ANKRD11: variants seen among roughly 807,000 people sequenced by gnomAD.
ANKRD11 encodes ankyrin repeat domain-containing protein 11.
Under a neutral mutation model 195.7 loss-of-function variants are expected in ANKRD11, and 17 were observed. That is an observed-to-expected ratio of 0.09 (90% confidence interval 0.06 to 0.13). The LOEUF (loss-of-function observed/expected upper bound fraction) is 0.13, where lower values mean the gene tolerates loss of function less well. Among genes scored for constraint, ANKRD11 ranks in the 10% least tolerant of loss-of-function variants. The probability of loss-of-function intolerance (pLI) is 1.00; values close to 1 mark genes in which losing one functional copy is unlikely to be tolerated. For missense variants in ANKRD11, 3,735 were observed against 3,566.1 expected, an observed-to-expected ratio of 1.05 and a Z score of -1.21; for synonymous variants, 1,953 against 1,528.1, an observed-to-expected ratio of 1.28 and a Z score of -6.49.
chr16:89,337,984 C>T (rs1368442727), intron 2 of ANKRD11, among the ~76,000 whole-genome samples: 2 of 152,210 alleles, frequency 1.3e-5, no homozygotes, highest in Admixed American at 6.5e-5. Flanking sequence ...CCACGGGTGA[C>T]AAGCAACACA....
At chr16:89,301,312 T>A (rs2035840566) in intron 4 of ANKRD11, 1 of 381,832 alleles carries the variant, frequency 2.6e-6, no homozygotes, top group Admixed American at 4.5e-5. Context: ...TATAAAAAAG[T>A]AGACAAAGTA....
At chr16:89,352,187 G>A (rs1458429185) in intron 2 of ANKRD11, among the ~76,000 whole-genome samples, 3 of 152,120 alleles carry the variant, frequency 2.0e-5, no homozygotes, top group Non-Finnish European at 4.4e-5. Flanking sequence ...ATTGCACCTG[G>A]CCGATTATCT....
In ANKRD11 at chr16:89,328,852, C is replaced by T. The variant is rs1392322493; in HGVS notation, c.-59-11774G>A. On this transcript the variant is annotated intron_variant, in intron 2 of 12. Transcript: ENST00000301030. ...GAGTGGACATACCCAGGAGCACGGG[C>T]GAAATCAGTGGAGGCCCCTGCTGAG... 2.4e-5 allele frequency: 3 copies of T among 122,984 alleles called. 1 individual carries two copies. Among genetic ancestry groups the T allele is most frequent in the Non-Finnish European group, 5.0e-5 (3 of 60,196 alleles). 7.6% of individuals were successfully genotyped at this position (122,984 alleles called of 1,614,324 possible). A position where few individuals can be genotyped will look rare whatever the true frequency, so the allele number is the denominator to read the frequency against.
intron 1 of ANKRD11, among the ~76,000 whole-genome samples, chr16:89,444,686 T>C (rs1219873784): frequency 1.3e-5 from 2 of 152,104 alleles, no homozygotes; most frequent in African/African-American, 4.8e-5. Context: ...TGGCTCACGC[T>C]TGTAATCCCA....
chr16:89,462,201 T>G (rs1188594531), intron 1 of ANKRD11, among the ~76,000 whole-genome samples: 4 of 152,194 alleles, frequency 2.6e-5, no homozygotes, highest in African/African-American at 9.6e-5. Flanking sequence ...TGACTCAGCC[T>G]GCCGAGTGCC....
At chr16:89,382,190 G>T (rs1283532052) in intron 2 of ANKRD11, among the ~76,000 whole-genome samples, 1 of 152,042 alleles carries the variant, frequency 6.6e-6, no homozygotes, top group East Asian at 1.9e-4. Context: ...TGGAGCCCTT[G>T]AACCCATCAA....
chr16:89,278,954 G>A (rs963530841), intron 9 of ANKRD11, 118 bp downstream of exon 9: 7 of 1,476,624 alleles, frequency 4.7e-6, no homozygotes, highest in African/African-American at 2.8e-5. Flanking sequence ...GGTGGCAGAA[G>A]GTCGAGAGAG....
chr16:89,367,532 A>G (rs953030527), intron 2 of ANKRD11, among the ~76,000 whole-genome samples: 3 of 152,184 alleles, frequency 2.0e-5, no homozygotes, highest in African/African-American at 4.8e-5. Context: ...AGGCCACGGC[A>G]CACACCAGTC....
intron 1 of ANKRD11, chr16:89,489,225 A>ACACGCGCG (rs1331575394): frequency 6.7e-6 from 1 of 148,838 alleles, no homozygotes; most frequent in Non-Finnish European, 1.5e-5. Context: ...ACACACACAC[A>ACACGCGCG]CGCGCGCGCG....
chr16:89,298,807 C>T (rs901045994), intron 4 of ANKRD11: 1 of 152,238 alleles, frequency 6.6e-6, no homozygotes, highest in Admixed American at 6.5e-5. Context: ...TGAGAAACTG[C>T]TTACGTCTAG....
chr16:89,344,303 G>T (rs935894228), intron 2 of ANKRD11, among the ~76,000 whole-genome samples: 6 of 152,180 alleles, frequency 3.9e-5, no homozygotes, highest in Admixed American at 1.3e-4. Flanking sequence ...CTAACAGATG[G>T]TATTATTTCC....
chr16:89,454,971 C>T (rs1307128822), intron 1 of ANKRD11, among the ~76,000 whole-genome samples: 4 of 99,874 alleles, frequency 4.0e-5, no homozygotes, highest in Admixed American at 9.8e-5. Flanking sequence ...TCAAGCTGCT[C>T]CCCTGGGTGC....
Position 89,293,403 on chromosome 16 carries a change from G to A in ANKRD11, c.227-2220C>T, listed in dbSNP as rs377653561. On this transcript the variant is annotated intron_variant, in intron 4 of 12. Coordinates refer to ENST00000301030, the MANE Select transcript of ANKRD11 (RefSeq NM_013275.6). ...GGACACAGGGAGGAGCTGGGGCAGA[G>A]TTGGGGTTGCGGAGGGAGGAGCTGG... Among the ~76,000 whole-genome samples, 13 of 151,946 alleles carry A rather than the reference G, an allele frequency of 8.6e-5. No individual in the cohort carries two copies. The East Asian group carries it at 2.1e-3, about 25-fold the overall frequency.
chr16:89,316,700 C>CA, intron 3 of ANKRD11, among the ~76,000 whole-genome samples: 1 of 152,326 alleles, frequency 6.6e-6, no homozygotes, highest in East Asian at 1.9e-4. Context: ...AACTTCTGTA[C>CA]ATAAAGCTAT....
At chr16:89,302,452 C>G (rs2035917028) in intron 4 of ANKRD11, among the ~76,000 whole-genome samples, 1 of 152,176 alleles carries the variant, frequency 6.6e-6, no homozygotes, top group African/African-American at 2.4e-5. Flanking sequence ...AGGGTTTCTT[C>G]ATGTTGGTCA....
rs1249193756 is a variant in ANKRD11, at chr16:89,342,017, TGCTGCACCTCC to T, written c.-59-24950_-59-24940del. ...CAGCGGCCACAGCCCACGGCGGGAG[TGCTGCACCTCC>T]ACTGCCCACAGCGGCCACGGCCCAC... On this transcript the variant is annotated intron_variant, in intron 2 of 12. Coordinates refer to ENST00000301030, the MANE Select transcript of ANKRD11 (RefSeq NM_013275.6). Among the ~76,000 whole-genome samples, 53 of 47,964 alleles carry T rather than the reference TGCTGCACCTCC, an allele frequency of 1.1e-3. 1 individual carries two copies. Among genetic ancestry groups the T allele is most frequent in the African/African-American group, 3.0e-3 (50 of 16,690 alleles). The allele number at this position is 47,964 out of a possible 152,430, so 31.5% of individuals were successfully genotyped here.
chr16:89,316,444 C>T (rs144029688), intron 3 of ANKRD11, among the ~76,000 whole-genome samples: 61 of 152,300 alleles, frequency 4.0e-4, no homozygotes, highest in African/African-American at 1.3e-3. Context: ...GCATCACCCC[C>T]CACACTGCAA....
intron 4 of ANKRD11, among the ~76,000 whole-genome samples, chr16:89,296,635 AG>A (rs1473603723): frequency 6.6e-6 from 1 of 152,214 alleles, no homozygotes; most frequent in East Asian, 1.9e-4. Context: ...TAACCATCCC[AG>A]CACGTGAGGT....
chr16:89,340,043 C>T (rs1024913535), intron 2 of ANKRD11: 3 of 152,206 alleles, frequency 2.0e-5, no homozygotes, highest in Non-Finnish European at 2.9e-5. Context: ...TCTGAAAAAT[C>T]CATTCTCCTG....
Sources: allele counts gnomAD v4.1 joint callset (sites outside exome capture counted in the v4.1 genomes callset), GRCh38; gene constraint gnomAD v4.1.1; transcripts MANE v1.5; gene names NCBI Gene and HGNC (gene_info 2026-07-23, HGNC 2026-07-21).